DLG1: variants seen among roughly 807,000 people sequenced by gnomAD.
The protein encoded by DLG1 is discs large MAGUK scaffold protein 1, also known as disks large homolog 1.
Under a neutral mutation model 123.4 loss-of-function variants are expected in DLG1, and 42 were observed. That is an observed-to-expected ratio of 0.34 (90% CI 0.27 to 0.44). DLG1 has a LOEUF of 0.44. DLG1 is among the 20% of genes least tolerant of loss of function. The pLI is 1.00. For synonymous variants in DLG1, 317 were observed against 356.2 expected, an observed-to-expected ratio of 0.89 and a Z score of 1.24; for missense variants, 942 against 1,082.6, an observed-to-expected ratio of 0.87 and a Z score of 1.82.
At chr3:197,192,629 C>T (rs1035707772) in intron 5 of DLG1, among the ~76,000 whole-genome samples, 5 of 152,056 alleles carry the variant, frequency 3.3e-5, no homozygotes, top group Admixed American at 6.5e-5. Context: ...ATACTGAACA[C>T]TATCTTTAAT....
At position 197,142,762 on chromosome 3, in the gene DLG1, C is replaced by T; in HGVS notation, c.544G>A (p.Gly182Ser). The T allele has an allele frequency of 6.2e-7, 1 of 1,606,692 alleles. No individual in the cohort carries two copies. The highest frequency in any genetic ancestry group is 1.1e-5 in the South Asian group (1 of 88,382). Residue 182 changes from glycine (G) to serine (S), a missense_variant, in exon 7 of 25, where the codon GGC becomes AGC. Transcript: ENST00000667157. The stretch of plus-strand genomic sequence containing the variant: ...TCATATTCATAATCTGCATCTGTGC[C>T]ATTAACCTACAGGGGAAAAGAAAAG... ...DSLETPTYVN[G>S]TDADYEYEEI...
chr3:197,266,572 C>T (rs1761782335), intron 4 of DLG1, among the ~76,000 whole-genome samples: 2 of 152,048 alleles, frequency 1.3e-5, no homozygotes, highest in African/African-American at 4.8e-5. Flanking sequence ...ATGACCACAT[C>T]ACTGCACTGC....
intron 5 of DLG1, among the ~76,000 whole-genome samples, chr3:197,163,668 C>T (rs956566229): frequency 1.3e-5 from 2 of 150,116 alleles, no homozygotes; most frequent in African/African-American, 2.5e-5. Flanking sequence ...ATGACAGGCA[C>T]CTGCCACCAT....
rs536638898 is a variant in DLG1 at position 197,044,957 on chromosome 3, ATCTTT to A, written c.2576-233_2576-229del. On this transcript the variant is annotated intron_variant, in intron 24 of 24. Coordinates refer to ENST00000667157, the MANE Select transcript of DLG1 (RefSeq NM_001366207.1). ...ATGGATCAAAAAGTAAGACTTGGAG[ATCTTT>A]TCTTTTGTTCTTTTACCATCTGAGC... 2.1e-3 allele frequency among the ~76,000 whole-genome samples: 318 copies of A among 152,288 alleles called. 2 individuals carry two copies. The highest frequency in any genetic ancestry group is 5.2e-3 in the South Asian group (25 of 4,828).
chr3:197,044,783 T>C lies in DLG1; in HGVS notation c.2576-54A>G, dbSNP rs41284051. On this transcript the variant is annotated intron_variant, in intron 24 of 24. Coordinates refer to ENST00000667157, the MANE Select transcript of DLG1 (RefSeq NM_001366207.1). ...CTCCATTAATTGTCTATTTTTGCCA[T>C]TACAATTATTGATGAAATAGTAGAA... The C allele has an allele frequency of 9.4e-4, 1,081 of 1,155,168 alleles. 2 individuals are homozygous for C. Among genetic ancestry groups the C allele is most frequent in the Non-Finnish European group, 1.3e-3 (1,040 of 813,856 alleles). 71.6% of individuals were successfully genotyped at this position (1,155,168 alleles called of 1,614,324 possible).
Position 197,044,606 on chromosome 3 carries a change from CAG to C in DLG1, c.*15_*16del. 4 of 1,552,638 alleles carry C rather than the reference CAG, an allele frequency of 2.6e-6. No homozygotes were observed. In the Middle Eastern group the frequency reaches 5.1e-4, roughly 197 times the overall value. On this transcript the variant is annotated 3_prime_UTR_variant, in exon 25 of 25. Coordinates refer to ENST00000667157, the MANE Select transcript of DLG1 (RefSeq NM_001366207.1). ...AAAATGGAATTGTGGAAAAGAGAAA[CAG>C]AGAAACATGAGTTTTCATAGCTTTT...
At chr3:197,265,321 T>A (rs1023386390) in intron 4 of DLG1, among the ~76,000 whole-genome samples, 2 of 151,856 alleles carry the variant, frequency 1.3e-5, no homozygotes, top group South Asian at 4.2e-4. Flanking sequence ...CTGCCAACCA[T>A]AATGGAATAA....
chr3:197,157,947 A>T (rs1797063934), intron 5 of DLG1, among the ~76,000 whole-genome samples: 1 of 152,222 alleles, frequency 6.6e-6, no homozygotes, highest in Admixed American at 6.5e-5. Context: ...TAAAACTGTT[A>T]GAAGAAAACA....
At chr3:197,293,084 A>G (rs1466996374) in intron 3 of DLG1, among the ~76,000 whole-genome samples, 4 of 152,206 alleles carry the variant, frequency 2.6e-5, no homozygotes, top group Non-Finnish European at 5.9e-5. Flanking sequence ...AAAATTTTCA[A>G]ACTTAAGCAC....
At chr3:197,115,845 G>T in intron 13 of DLG1, 82 bp downstream of exon 13, 1 of 1,355,832 alleles carries the variant, frequency 7.4e-7, no homozygotes, top group South Asian at 1.3e-5. Context: ...ATTACTTTAG[G>T]ATATAAAAAA....
Position 197,115,912 on chromosome 3 carries a change from A to C in DLG1, c.1443+15T>G. 6.2e-7 allele frequency: 1 copy of C among 1,606,238 alleles called. No individual in the cohort carries two copies. Among genetic ancestry groups the C allele is most frequent in the Non-Finnish European group, 8.5e-7 (1 of 1,177,876 alleles). ...TGAAAATAACAAAAACGTGATCTTG[A>C]CTAACGTGTCTTACCGATATAATAC... On this transcript the variant is annotated intron_variant, in intron 13 of 24. Transcript: ENST00000667157.
intron 24 of DLG1, among the ~76,000 whole-genome samples, chr3:197,045,107 ATTTT>A (rs575412942): frequency 1.4e-5 from 2 of 144,586 alleles, no homozygotes; most frequent in African/African-American, 5.1e-5. Context: ...TGTAAGGATA[ATTTT>A]TTTTTTTTTT....
intron 18 of DLG1, among the ~76,000 whole-genome samples, chr3:197,075,662 G>A (rs1247404734): frequency 6.6e-6 from 1 of 152,102 alleles, no homozygotes; most frequent in African/African-American, 2.4e-5. Context: ...AAAAAGTTAT[G>A]TATTACAGAA....
intron 4 of DLG1, among the ~76,000 whole-genome samples, chr3:197,250,735 G>A (rs1405263657): frequency 6.6e-6 from 1 of 151,562 alleles, no homozygotes; most frequent in African/African-American, 2.4e-5. Flanking sequence ...GAACTCACAC[G>A]TGTCATTCCA....
In DLG1 at chr3:197,194,441, T is replaced by C. The variant is rs765023734; in HGVS notation, c.467A>G (p.His156Arg). 10 of 1,591,696 alleles carry C rather than the reference T, an allele frequency of 6.3e-6. No individual in the cohort carries two copies. The African/African-American group carries it at 1.2e-4, about 19-fold the overall frequency. Residue 156 changes from histidine to arginine, a missense_variant, in exon 5 of 25, where the codon CAT becomes CGT. His to Arg is a conservative substitution (Grantham distance 29, BLOSUM62 0). Coordinates refer to ENST00000667157, the MANE Select transcript of DLG1 (RefSeq NM_001366207.1). ...CTATCCTACCTTTATTGGTGAAATA[T>C]GAGAATGAGAAACAAATCCATGGAC... ...ENVHGFVSHS[H>R]ISPIKANPPP...
intron 13 of DLG1, among the ~76,000 whole-genome samples, chr3:197,113,487 G>A (rs1445322111): frequency 6.6e-6 from 1 of 151,856 alleles, no homozygotes; most frequent in Non-Finnish European, 1.5e-5. Context: ...TATCTTTCTC[G>A]CTGCTTTTAT....
chr3:197,273,703 G>GA (rs1055900540), intron 4 of DLG1, among the ~76,000 whole-genome samples: 9 of 152,138 alleles, frequency 5.9e-5, no homozygotes, highest in Non-Finnish European at 5.9e-5. Context: ...CTGAAGGGCT[G>GA]AAAGGGGGGA....
intron 5 of DLG1, among the ~76,000 whole-genome samples, chr3:197,173,673 A>C (rs1353910214): frequency 1.3e-5 from 2 of 152,246 alleles, no homozygotes; most frequent in African/African-American, 4.8e-5. Context: ...AGGGGTTAGC[A>C]AACATTTTTG....
At chr3:197,193,475 C>G (rs983975821) in intron 5 of DLG1, among the ~76,000 whole-genome samples, 1 of 152,146 alleles carries the variant, frequency 6.6e-6, no homozygotes, top group Non-Finnish European at 1.5e-5. Context: ...GTATATATAA[C>G]CTGTGTTTTT....
Sources: allele counts gnomAD v4.1 joint callset (sites outside exome capture counted in the v4.1 genomes callset), GRCh38; gene constraint gnomAD v4.1.1; transcripts MANE v1.5; gene names NCBI Gene and HGNC (gene_info 2026-07-23, HGNC 2026-07-21).